The following CSNK1E variants were observed in gnomAD, a reference collection of about 807,000 sequenced individuals.
The protein encoded by CSNK1E is casein kinase I isoform epsilon.
In CSNK1E, 17 loss-of-function variants were observed where a neutral mutation model predicts 46.1. That is an observed-to-expected ratio of 0.37 (90% CI 0.25 to 0.55). The LOEUF is 0.55. Ranked by LOEUF, CSNK1E falls within the 20% of genes least tolerant of loss-of-function variation. The pLI is 0.82. For missense variants in CSNK1E, 386 were observed against 595.4 expected, an observed-to-expected ratio of 0.65 and a Z score of 3.66; for synonymous variants, 241 against 242.6, an observed-to-expected ratio of 0.99 and a Z score of 0.06.
intron 2 of CSNK1E, among the ~76,000 whole-genome samples, chr22:38,308,583 T>A (rs1444261336): frequency 6.6e-6 from 1 of 152,082 alleles, no homozygotes; most frequent in Non-Finnish European, 1.5e-5. Flanking sequence ...CTCATTGGGA[T>A]GTTCTGACAG....
chr22:38,295,970 G>A (rs1230932342), intron 7 of CSNK1E, among the ~76,000 whole-genome samples: 7 of 152,356 alleles, frequency 4.6e-5, no homozygotes, highest in South Asian at 2.1e-4. Flanking sequence ...AACCTTCTGC[G>A]GGCAGAGTCA....
chr22:38,314,033 G>T (rs2145853841), intron 2 of CSNK1E, 49 bp downstream of exon 2: 1 of 1,517,698 alleles, frequency 6.6e-7, no homozygotes. Context: ...CCTCCTCTTG[G>T]TCCCATGGGC....
rs200192255 is a variant in CSNK1E, at chr22:38,300,108, T to C, written c.566-43A>G. The C allele has an allele frequency of 8.7e-5, 138 of 1,589,010 alleles. No individual in the cohort carries two copies. The East Asian group carries it at 3.0e-3, about 35-fold the overall frequency. The stretch of plus-strand genomic sequence containing the variant: ...GACTAGGTGAGGGACAGGGGTCCAC[T>C]CAGGCCCCTAACTCATCCTCTGGGT... On this transcript the variant is annotated intron_variant, in intron 5 of 10. Coordinates refer to ENST00000396832, the MANE Select transcript of CSNK1E (RefSeq NM_152221.3). This position sits in a 1 kb window ranked among gnomAD's most constrained non-coding sequence, Gnocchi z 4.4.
At chr22:38,317,542 G>C (rs1445715556), upstream of CSNK1E, 3 of 152,924 alleles carry the variant, frequency 2.0e-5, no homozygotes, top group Non-Finnish European at 4.4e-5. Context: ...CGCCCTCCGC[G>C]CTGGGGGCCG....
At chr22:38,302,114 G>T (rs561733182) in intron 4 of CSNK1E, among the ~76,000 whole-genome samples, 1 of 152,284 alleles carries the variant, frequency 6.6e-6, no homozygotes, top group South Asian at 2.1e-4. Context: ...CTCACATGAG[G>T]CCACTGAGGC....
At position 38,314,313 on chromosome 22, in the gene CSNK1E, G is replaced by T. The variant is rs1428068359; in HGVS notation, c.-12-144C>A. The T allele has an allele frequency of 4.2e-5, 27 of 644,674 alleles. No individual in the cohort carries two copies. The East Asian group carries it at 7.2e-4, about 17-fold the overall frequency. 39.9% of individuals were successfully genotyped at this position (644,674 alleles called of 1,614,324 possible). ...TTCTGCAGGTGTCAGGTGGCCCACA[G>T]CCTGCACTCCACACACCTGGGGAAC... On this transcript the variant is annotated intron_variant, in intron 1 of 10. Coordinates refer to ENST00000396832, the MANE Select transcript of CSNK1E (RefSeq NM_152221.3).
At position 38,294,575 on chromosome 22, in the gene CSNK1E, C is replaced by CCAGGGTGCTCTGGGCCCAGCAGCCCTG; in HGVS notation, c.886-68_886-42dup. ...AAAAGACACCAGTCAGCCCCAGAGG[C>CCAGGGTGCTCTGGGCCCAGCAGCCCTG]CAGGGTGCTCTGGGCCCAGCAGCCC... is the stretch of plus-strand genomic sequence containing the variant. On this transcript the variant is annotated intron_variant, in intron 7 of 10. Coordinates refer to ENST00000396832, the MANE Select transcript of CSNK1E (RefSeq NM_152221.3). This position sits in a 1 kb window ranked among gnomAD's most constrained non-coding sequence, Gnocchi z 5.5. The CCAGGGTGCTCTGGGCCCAGCAGCCCTG allele has an allele frequency of 1.3e-6, 2 of 1,529,820 alleles. No individual in the cohort carries two copies. Among genetic ancestry groups the CCAGGGTGCTCTGGGCCCAGCAGCCCTG allele is most frequent in the Non-Finnish European group, 1.8e-6 (2 of 1,138,410 alleles). 94.8% of individuals were successfully genotyped at this position (1,529,820 alleles called of 1,614,324 possible). A position where few individuals can be genotyped will look rare whatever the true frequency, so the allele number is the denominator to read the frequency against.
intron 1 of CSNK1E, among the ~76,000 whole-genome samples, chr22:38,315,766 A>G (rs2092742285): frequency 6.6e-6 from 1 of 151,978 alleles, no homozygotes; most frequent in African/African-American, 2.4e-5. Context: ...CGCATCCTAT[A>G]TTACATAAAT....
chr22:38,317,722 G>C (rs138792674), upstream of CSNK1E, among the ~76,000 whole-genome samples: 2,017 of 152,126 alleles, frequency 0.013, 29 homozygotes, highest in Admixed American at 0.032. Context: ...CGGAGGTGAG[G>C]GGATGGGAGG....
chr22:38,295,280 TA>T, intron 7 of CSNK1E: 1 of 289,348 alleles, frequency 3.5e-6, no homozygotes, highest in Non-Finnish European at 5.2e-6. Context: ...AGGGGTACCC[TA>T]AGCCCCCAGG....
chr22:38,313,956 G>A, intron 2 of CSNK1E, 126 bp downstream of exon 2: 1 of 834,972 alleles, frequency 1.2e-6, no homozygotes, highest in Non-Finnish European at 1.9e-6. Flanking sequence ...CATCTGGGAT[G>A]GCCCTGGGGC....
intron 2 of CSNK1E, among the ~76,000 whole-genome samples, chr22:38,312,235 C>T (rs946631811): frequency 2.6e-5 from 4 of 152,222 alleles, no homozygotes; most frequent in South Asian, 2.1e-4. Flanking sequence ...ATTACAGGCG[C>T]GTGCCGCCAT....
At position 38,294,054 on chromosome 22, in the gene CSNK1E, G is replaced by C. The variant is rs1410663818; in HGVS notation, c.1218+55C>G. ...AGAGCCACGGCCTGACCTCCCACTG[G>C]GGGGTCTCTAACTCAGTTCTGAGGC... On this transcript the variant is annotated intron_variant, in intron 9 of 10. Transcript: ENST00000396832. This position sits in a 1 kb window ranked among gnomAD's most constrained non-coding sequence, Gnocchi z 5.5. 8.9e-6 allele frequency: 14 copies of C among 1,575,968 alleles called. No homozygotes were observed. The highest frequency in any genetic ancestry group is 1.2e-5 in the Non-Finnish European group (14 of 1,162,356).
At chr22:38,296,855 A>ATC (rs1221793786) in intron 7 of CSNK1E, 1 of 761,230 alleles carries the variant, frequency 1.3e-6, no homozygotes, top group Non-Finnish European at 2.1e-6. Flanking sequence ...GCTCACTCCA[A>ATC]TCTCTGCCTC....
chr22:38,298,947 G>A lies in CSNK1E; in HGVS notation c.737-13C>T, dbSNP rs767739135. 9 of 1,613,960 alleles carry A rather than the reference G, an allele frequency of 5.6e-6. No homozygotes were observed. The highest frequency in any genetic ancestry group is 1.7e-5 in the Admixed American group (1 of 60,004). ...GTTGAGAATTCGGCTGGAGGGTGTTGCAGAGGATAGAGAAGGCCACTGTGA... is the reference window on the plus strand; with the variant it reads ...GTTGAGAATTCGGCTGGAGGGTGTTACAGAGGATAGAGAAGGCCACTGTGA... On this transcript the variant is annotated splice_polypyrimidine_tract_variant and intron_variant, in intron 6 of 10. Coordinates refer to ENST00000396832, the MANE Select transcript of CSNK1E (RefSeq NM_152221.3). This position sits in a 1 kb window ranked among gnomAD's most constrained non-coding sequence, Gnocchi z 4.2.
At position 38,317,388 on chromosome 22, in the gene CSNK1E, G is replaced by C. The variant is rs1218989232; in HGVS notation, c.-241C>G. On this transcript the variant is annotated 5_prime_UTR_variant, in exon 1 of 11. Coordinates refer to ENST00000396832, the MANE Select transcript of CSNK1E (RefSeq NM_152221.3). ...CGCCGCCGCCGCCTCCCTCCTCCCG[G>C]CCTCCTGCCCGCCCGCCCGCCCCCG... 2 of 119,478 alleles carry C rather than the reference G, an allele frequency of 1.7e-5. No homozygotes were observed. Among genetic ancestry groups the C allele is most frequent in the East Asian group, 2.7e-4 (1 of 3,724 alleles). 7.4% of individuals were successfully genotyped at this position (119,478 alleles called of 1,614,324 possible). A position where few individuals can be genotyped will look rare whatever the true frequency, so the allele number is the denominator to read the frequency against.
chr22:38,303,428 G>T lies in CSNK1E; in HGVS notation c.77-180C>A, dbSNP rs2092684041. On this transcript the variant is annotated intron_variant, in intron 2 of 10. Transcript: ENST00000396832. This position sits in a 1 kb window ranked among gnomAD's most constrained non-coding sequence, Gnocchi z 4.7. Reference sequence around the variant, plus strand: ...AGCCCCGGCAAAGGGTTCCTGAGGGGAAAGAAGGTCAGCGCTGTGAGGGAC... The same window carrying T: ...AGCCCCGGCAAAGGGTTCCTGAGGGTAAAGAAGGTCAGCGCTGTGAGGGAC... Among the ~76,000 whole-genome samples the T allele has an allele frequency of 6.6e-6, 1 of 152,224 alleles. No individual in the cohort carries two copies. Among genetic ancestry groups the T allele is most frequent in the African/African-American group, 2.4e-5 (1 of 41,464 alleles).
At chr22:38,311,482 C>CTCTCT (rs2092720754) in intron 2 of CSNK1E, among the ~76,000 whole-genome samples, 1 of 1,376 alleles carries the variant, frequency 7.3e-4, no homozygotes, top group Non-Finnish European at 1.3e-3. Context: ...AGCCATGGGC[C>CTCTCT]TGTCTCCTGT....
chr22:38,304,184 C>T (rs754372317), intron 2 of CSNK1E, among the ~76,000 whole-genome samples: 2 of 152,074 alleles, frequency 1.3e-5, no homozygotes, highest in African/African-American at 4.8e-5. Context: ...AGGACAGTGT[C>T]GCAACAGGAC....
Sources: gnomAD v4.1 joint callset for allele counts (sites outside exome capture counted in the v4.1 genomes callset) on GRCh38, gnomAD v4.1.1 for gene constraint, Gnocchi (gnomAD v3.1) non-coding constraint, MANE v1.5 for transcripts, NCBI Gene and HGNC (gene_info 2026-07-23, HGNC 2026-07-21) for gene names.